The following MYO9A variants were observed in gnomAD, a reference collection of about 807,000 sequenced individuals.
The protein encoded by MYO9A is unconventional myosin-IXa.
MYO9A carries 103 observed loss-of-function variants against 293.3 expected under a neutral mutation model. The ratio of observed to expected loss-of-function variants is 0.35; its 90% CI spans 0.30 to 0.41. The LOEUF is 0.41. Among genes scored for constraint, MYO9A ranks in the 10% least tolerant of loss-of-function variants. The pLI is 1.00. For synonymous variants in MYO9A, 1,001 were observed against 1,035.7 expected (o/e 0.97, Z 0.64); for missense variants, 2,685 against 3,033.0 (o/e 0.89, Z 2.69).
chr15:72,033,942 T>G (rs1416091999), intron 2 of MYO9A, among the ~76,000 whole-genome samples: 2 of 152,250 alleles, frequency 1.3e-5, no homozygotes, highest in East Asian at 3.9e-4. Flanking sequence ...TACAATAATC[T>G]CATGGGAATG....
intron 1 of MYO9A, among the ~76,000 whole-genome samples, chr15:72,086,581 T>C (rs1395915365): frequency 6.9e-6 from 1 of 144,082 alleles, no homozygotes; most frequent in Admixed American, 7.2e-5. Context: ...GCACACGTGC[T>C]GGCGAGGCGA....
intron 6 of MYO9A, among the ~76,000 whole-genome samples, chr15:72,013,585 C>T (rs992989351): frequency 3.9e-5 from 6 of 152,156 alleles, no homozygotes; most frequent in Non-Finnish European, 7.3e-5. Flanking sequence ...CACTACATTC[C>T]CCCCACAAAC....
At chr15:71,854,676 A>C in intron 34 of MYO9A, 107 bp from the exon 35 acceptor site, 1 of 842,106 alleles carries the variant, frequency 1.2e-6, no homozygotes, top group Non-Finnish European at 1.8e-6. Flanking sequence ...AAGTTTTATG[A>C]GCATAGTTAG....
intron 18 of MYO9A, among the ~76,000 whole-genome samples, chr15:71,930,169 T>A (rs540959262): frequency 6.6e-6 from 1 of 152,306 alleles, no homozygotes; most frequent in South Asian, 2.1e-4. Context: ...CGAATGTGTA[T>A]TCTGCTGCTG....
At chr15:71,948,511 A>C (rs1043878406) in intron 15 of MYO9A, among the ~76,000 whole-genome samples, 3 of 152,176 alleles carry the variant, frequency 2.0e-5, no homozygotes, top group African/African-American at 7.2e-5. Flanking sequence ...GCTTTATTGG[A>C]ACACAGCTAA....
chr15:72,009,030 T>C (rs1402235772), intron 7 of MYO9A, among the ~76,000 whole-genome samples: 1 of 152,144 alleles, frequency 6.6e-6, no homozygotes, highest in Non-Finnish European at 1.5e-5. Context: ...TAATTTAAAG[T>C]TTTTAAATCT....
At position 71,862,962 on chromosome 15, in the gene MYO9A, ATGTTGC is replaced by A. The variant is rs1400708713; in HGVS notation, c.5980-357_5980-352del. The stretch of plus-strand genomic sequence containing the variant: ...TTTTTTTTTGAGACTTAGTCTTGCT[ATGTTGC>A]CCAGGCTGGAGTGCAGTGGTGCTAT... On this transcript the variant is annotated intron_variant, in intron 32 of 41. Coordinates refer to ENST00000356056, the MANE Select transcript of MYO9A (RefSeq NM_006901.4). 6.7e-5 allele frequency among the ~76,000 whole-genome samples: 8 copies of A among 120,142 alleles called. No individual in the cohort carries two copies. The South Asian group carries it at 2.0e-3, about 29-fold the overall frequency. The allele number at this position is 120,142 out of a possible 152,430, so 78.8% of individuals were successfully genotyped here.
At chr15:71,921,944 C>T (rs984423388) in intron 18 of MYO9A, among the ~76,000 whole-genome samples, 80 of 151,988 alleles carry the variant, frequency 5.3e-4, no homozygotes, top group Non-Finnish European at 2.4e-4. Context: ...TTTCCCTAAA[C>T]ACTGCATGCT....
chr15:71,893,211 CAAT>C (rs1268552757), intron 26 of MYO9A: 1 of 1,232,682 alleles, frequency 8.1e-7, no homozygotes, highest in Non-Finnish European at 1.0e-6. Flanking sequence ...AATAACACAA[CAAT>C]GTTTGGGGTT....
Position 71,851,352 on chromosome 15 carries a change from T to C in MYO9A, c.6482A>G (p.Gln2161Arg). 1 of 1,612,706 alleles carries C rather than the reference T, an allele frequency of 6.2e-7. No homozygotes were observed. Among genetic ancestry groups the C allele is most frequent in the Non-Finnish European group, 8.5e-7 (1 of 1,179,060 alleles). ...ACCACGGATTGTCTCCTTCCTCTCC[T>C]GAAGGCCTAAAAACAGTAAGAGCAG... ...YEEFLRAMGL[Q>R]ERKETIRGVY... The change falls in exon 37 of 42, where the codon CAG becomes CGG. Residue 2161 changes from glutamine to arginine, a missense_variant. By Grantham distance (43) the Gln-to-Arg change is conservative. This residue lies in a region of MYO9A where 238 missense variants were observed against 269.1 expected (regional missense o/e 0.88). Coordinates refer to ENST00000356056, the MANE Select transcript of MYO9A (RefSeq NM_006901.4).
At chr15:71,882,284 T>G (rs2056896442) in intron 28 of MYO9A, among the ~76,000 whole-genome samples, 1 of 152,218 alleles carries the variant, frequency 6.6e-6, no homozygotes, top group South Asian at 2.1e-4. Context: ...TTGAAGAAGT[T>G]GGTATCTTTA....
intron 12 of MYO9A, 30 bp downstream of exon 12, chr15:71,978,141 A>C: frequency 6.2e-7 from 1 of 1,607,814 alleles, no homozygotes; most frequent in Non-Finnish European, 8.5e-7. Flanking sequence ...CAAAACAGCC[A>C]ATAACAAAAT....
intron 1 of MYO9A, among the ~76,000 whole-genome samples, chr15:72,075,714 C>T (rs2079329323): frequency 6.6e-6 from 1 of 151,876 alleles, no homozygotes; most frequent in Non-Finnish European, 1.5e-5. Context: ...TGCTTGAGTC[C>T]AGGAGTTCAA....
At chr15:72,041,783 C>G (rs1423294673) in intron 2 of MYO9A, 2 of 152,342 alleles carry the variant, frequency 1.3e-5, no homozygotes, top group African/African-American at 4.9e-5. Context: ...ACAGCAGTTG[C>G]CAATAAGGGA....
Position 71,951,915 on chromosome 15 carries a change from A to C in MYO9A, c.2183-19T>G, listed in dbSNP as rs2059061052. 5 of 1,565,772 alleles carry C rather than the reference A, an allele frequency of 3.2e-6. No individual in the cohort carries two copies. The highest frequency in any genetic ancestry group is 2.2e-5 in the East Asian group (1 of 44,618). ...TCATGTCCTTAGGAAGCAAAAAAAAACAAACAAAAAAAAAAGGAGAAAAGA... is the reference window on the plus strand; with the variant it reads ...TCATGTCCTTAGGAAGCAAAAAAAACCAAACAAAAAAAAAAGGAGAAAAGA... On this transcript the variant is annotated intron_variant, in intron 14 of 41. Coordinates refer to ENST00000356056, the MANE Select transcript of MYO9A (RefSeq NM_006901.4).
At chr15:72,008,474 T>A (rs1045583780) in intron 7 of MYO9A, among the ~76,000 whole-genome samples, 15 of 144,512 alleles carry the variant, frequency 1.0e-4, no homozygotes, top group East Asian at 4.1e-4. Flanking sequence ...TGTGTGTGTG[T>A]GAATGGGGTA....
intron 15 of MYO9A, among the ~76,000 whole-genome samples, chr15:71,941,854 T>C (rs2058784657): frequency 1.3e-5 from 2 of 152,190 alleles, no homozygotes; most frequent in Non-Finnish European, 2.9e-5. Context: ...ACATGGAACA[T>C]CTTTAAAATG....
chr15:71,938,898 G>A lies in MYO9A; in HGVS notation c.2332C>T (p.Leu778Phe). The A allele has an allele frequency of 6.2e-7, 1 of 1,611,330 alleles. No individual in the cohort carries two copies. The highest frequency in any genetic ancestry group is 1.3e-5 in the African/African-American group (1 of 74,808). ...GCATTCATGCCCTGGAGATCAGAAA[G>A]AGGTGTTCTGGGATTTTTCCGGGTT... ...SITRKNPRTP[L>F]SDLQGMNALN... The change falls in exon 16 of 42, where the codon CTT (leucine) becomes TTT (phenylalanine). Residue 778 changes from leucine to phenylalanine, a missense_variant. Physicochemically the swap from Leu to Phe is conservative, Grantham distance 22. Coordinates refer to ENST00000356056, the MANE Select transcript of MYO9A (RefSeq NM_006901.4).
In MYO9A at chr15:71,898,940, C is replaced by G; in HGVS notation, c.3563G>C (p.Gly1188Ala). ...ATCCTCCCATCCTGAAGGGTCTGAA[C>G]CCTGAATTTCCAGAGATCCATATCC... ...IKGYGSLEIQ[G>A]SDPSGWEDCS... Residue 1188 changes from glycine to alanine, a missense_variant, in exon 25 of 42, where the codon GGT becomes GCT. Gly to Ala is a moderately conservative substitution (Grantham distance 60). Coordinates refer to ENST00000356056, the MANE Select transcript of MYO9A (RefSeq NM_006901.4). 6.2e-7 allele frequency: 1 copy of G among 1,614,094 alleles called. No homozygotes were observed. The highest frequency in any genetic ancestry group is 1.3e-5 in the African/African-American group (1 of 75,054).
Sources: allele counts gnomAD v4.1 joint callset (sites outside exome capture counted in the v4.1 genomes callset), GRCh38; gene constraint gnomAD v4.1.1; regional missense constraint gnomAD v4.1.1; transcripts MANE v1.5; gene names NCBI Gene and HGNC (gene_info 2026-07-23, HGNC 2026-07-21).